TAFA1: variants seen among roughly 807,000 people sequenced by gnomAD.
TAFA1 encodes the protein TAFA chemokine like family member 1.
TAFA1 carries 4 observed loss-of-function variants against 18.5 expected under a neutral mutation model. The observed-to-expected ratio is 0.22, with a 90% CI of 0.11 to 0.49. TAFA1 has a LOEUF of 0.49. Ranked by LOEUF, TAFA1 falls within the 20% of genes least tolerant of loss-of-function variation. The pLI is 0.98. For missense variants in TAFA1, 147 were observed against 169.0 expected (o/e 0.87, Z 0.72); for synonymous variants, 56 against 55.2 (o/e 1.01, Z -0.06).
chr3:68,292,423 A>C (rs868366254), intron 2 of TAFA1, among the ~76,000 whole-genome samples: 1,713 of 114,228 alleles, frequency 0.015, 17 homozygotes, highest in Non-Finnish European at 0.022. Context: ...AAAAAAAAAA[A>C]CAAAAAAAAA....
intron 2 of TAFA1, among the ~76,000 whole-genome samples, chr3:68,243,498 A>G (rs1303789763): frequency 6.6e-6 from 1 of 152,118 alleles, no homozygotes; most frequent in Non-Finnish European, 1.5e-5. Flanking sequence ...CATCACAACT[A>G]CTAATCTCTT....
intron 2 of TAFA1, among the ~76,000 whole-genome samples, chr3:68,389,585 G>A (rs150091428): frequency 8.4e-4 from 128 of 152,222 alleles, no homozygotes; most frequent in African/African-American, 2.9e-3. Flanking sequence ...TGGCCAAATA[G>A]GAACAGCTCC....
chr3:68,006,168 A>G (rs1704352721), intron 1 of TAFA1: 1 of 158,770 alleles, frequency 6.3e-6, no homozygotes, highest in African/African-American at 2.4e-5. Context: ...TGCAATTAAA[A>G]ATTCATGACT....
chr3:67,997,419 T>C, the TAFA1 span, among the ~76,000 whole-genome samples: 1 of 152,302 alleles, frequency 6.6e-6, no homozygotes, highest in East Asian at 1.9e-4. Context: ...CCAGAGTTCA[T>C]TATCTCATTC....
At chr3:68,205,525 C>T (rs184716036) in intron 2 of TAFA1, among the ~76,000 whole-genome samples, 15 of 151,914 alleles carry the variant, frequency 9.9e-5, no homozygotes, top group Admixed American at 2.0e-4. Flanking sequence ...AGCTCAAAAG[C>T]GGAGAGATTC....
chr3:68,134,303 G>A (rs758551232), intron 2 of TAFA1, among the ~76,000 whole-genome samples: 2 of 152,068 alleles, frequency 1.3e-5, no homozygotes, highest in African/African-American at 2.4e-5. Context: ...GGAGACCAAC[G>A]CTCAAGTCAC....
At chr3:68,203,029 CTT>C (rs764288342) in intron 2 of TAFA1, among the ~76,000 whole-genome samples, 2 of 151,666 alleles carry the variant, frequency 1.3e-5, no homozygotes, top group Non-Finnish European at 3.0e-5. Context: ...TTGAGAAAAA[CTT>C]TATTTCTTCT....
At chr3:67,996,402 T>C in the TAFA1 span, among the ~76,000 whole-genome samples, 1 of 152,132 alleles carries the variant, frequency 6.6e-6, no homozygotes, top group Admixed American at 6.5e-5. Flanking sequence ...AGAAAGTATC[T>C]CTGAAATCAG....
chr3:68,340,236 A>G (rs2069057207), intron 2 of TAFA1, among the ~76,000 whole-genome samples: 1 of 152,232 alleles, frequency 6.6e-6, no homozygotes, highest in South Asian at 2.1e-4. Flanking sequence ...TCCTCAAGGT[A>G]TAAGAAAAGA....
At chr3:68,403,008 T>C (rs982934744) in intron 2 of TAFA1, among the ~76,000 whole-genome samples, 5 of 152,206 alleles carry the variant, frequency 3.3e-5, no homozygotes, top group African/African-American at 9.7e-5. Flanking sequence ...TAAGATAACA[T>C]GGTATAATAC....
At chr3:68,466,514 C>T (rs2071887491) in intron 3 of TAFA1, among the ~76,000 whole-genome samples, 1 of 152,070 alleles carries the variant, frequency 6.6e-6, no homozygotes. Context: ...GGTTAACGAC[C>T]TGCCAAAGCC....
chr3:68,344,283 A>T (rs1215555290), intron 2 of TAFA1, among the ~76,000 whole-genome samples: 1 of 152,200 alleles, frequency 6.6e-6, no homozygotes, highest in Non-Finnish European at 1.5e-5. Context: ...AATAAATGGA[A>T]ATATTAAGTG....
intron 2 of TAFA1, among the ~76,000 whole-genome samples, chr3:68,019,368 G>T (rs934499101): frequency 2.6e-5 from 4 of 152,082 alleles, no homozygotes; most frequent in Admixed American, 6.6e-5. Flanking sequence ...AGACTCCATA[G>T]ACCCTTTTGT....
intron 2 of TAFA1, among the ~76,000 whole-genome samples, chr3:68,133,183 A>T (rs1179253212): frequency 2.0e-5 from 3 of 151,908 alleles, no homozygotes; most frequent in African/African-American, 7.3e-5. Context: ...TTGCAGATGT[A>T]TGTTGTTAGT....
At chr3:68,289,564 T>A (rs1350077339) in intron 2 of TAFA1, among the ~76,000 whole-genome samples, 2 of 131,570 alleles carry the variant, frequency 1.5e-5, no homozygotes, top group Non-Finnish European at 3.5e-5. Context: ...CCTTCTTCTC[T>A]GCTTTGTGGA....
At chr3:68,339,452 G>A (rs1275821218) in intron 2 of TAFA1, among the ~76,000 whole-genome samples, 4 of 152,180 alleles carry the variant, frequency 2.6e-5, no homozygotes, top group Admixed American at 2.6e-4. Context: ...CCCAATTTGA[G>A]AGAGAAAGAC....
chr3:68,524,477 G>T (rs951604925), intron 3 of TAFA1, among the ~76,000 whole-genome samples: 1 of 152,096 alleles, frequency 6.6e-6, no homozygotes, highest in African/African-American at 2.4e-5. Flanking sequence ...TCAGAAAATA[G>T]AAATTTAGTA....
intron 2 of TAFA1, among the ~76,000 whole-genome samples, chr3:68,288,616 T>C (rs2068057675): frequency 6.6e-6 from 1 of 152,254 alleles, no homozygotes; most frequent in Admixed American, 6.5e-5. Context: ...TCAATGCTAA[T>C]GTCTCTCTGT....
intron 3 of TAFA1, among the ~76,000 whole-genome samples, chr3:68,516,137 A>C (rs748746177): frequency 9.2e-5 from 14 of 152,232 alleles, no homozygotes; most frequent in Non-Finnish European, 1.8e-4. Context: ...AATCCAAAGC[A>C]GTCAAGGTCA....
Sources: gnomAD v4.1 joint callset for allele counts (sites outside exome capture counted in the v4.1 genomes callset) on GRCh38, gnomAD v4.1.1 for gene constraint, MANE v1.5 for transcripts, NCBI Gene and HGNC (gene_info 2026-07-23, HGNC 2026-07-21) for gene names.